ANP32A: variants seen among roughly 807,000 people sequenced by gnomAD.
The protein encoded by ANP32A is acidic nuclear phosphoprotein 32 family member A.
Under a neutral mutation model 33.9 loss-of-function variants are expected in ANP32A, and 1 was observed. The ratio of observed to expected loss-of-function variants is 0.03; its 90% CI spans 0.01 to 0.14. The LOEUF (loss-of-function observed/expected upper bound fraction) is 0.14. Ranked by LOEUF, ANP32A falls within the 10% of genes least tolerant of loss-of-function variation. The pLI, the probability that ANP32A is intolerant of heterozygous loss-of-function variation, is 1.00. For missense variants in ANP32A, 155 were observed against 306.0 expected, an observed-to-expected ratio of 0.51 and a Z score of 3.68; for synonymous variants, 115 against 120.5, an observed-to-expected ratio of 0.95 and a Z score of 0.30.
At chr15:68,819,177 G>A (rs1020496239) in intron 1 of ANP32A, among the ~76,000 whole-genome samples, 13 of 152,272 alleles carry the variant, frequency 8.5e-5, no homozygotes, top group African/African-American at 3.1e-4. Flanking sequence ...GCCAGCGCAC[G>A]GTGCTGCCCA....
At chr15:68,784,313 G>C (rs2140359642) in intron 4 of ANP32A, 84 bp downstream of exon 4, 127 of 1,290,478 alleles carry the variant, frequency 9.8e-5, no homozygotes, top group Middle Eastern at 1.9e-4. Context: ...CCAACACCCA[G>C]CCCACCCACC....
intron 1 of ANP32A, among the ~76,000 whole-genome samples, chr15:68,818,755 C>A (rs1389265094): frequency 6.6e-6 from 1 of 152,052 alleles, no homozygotes; most frequent in Non-Finnish European, 1.5e-5. Context: ...ACCCCGGCCC[C>A]GCGCTTGGCG....
intron 3 of ANP32A, among the ~76,000 whole-genome samples, chr15:68,785,412 C>T (rs1893919501): frequency 6.6e-6 from 1 of 152,254 alleles, no homozygotes; most frequent in South Asian, 2.1e-4. Context: ...CCCACCTCAC[C>T]CACCTTTGAG....
chr15:68,787,975 G>T (rs976752791), intron 1 of ANP32A, 56 bp from the exon 2 acceptor site: 1 of 1,605,264 alleles, frequency 6.2e-7, no homozygotes, highest in Non-Finnish European at 8.5e-7. Context: ...GAAGCAGGGG[G>T]AGGGTGTTAG....
At chr15:68,797,936 T>C (rs911867924) in intron 1 of ANP32A, among the ~76,000 whole-genome samples, 1 of 145,678 alleles carries the variant, frequency 6.9e-6, no homozygotes, top group African/African-American at 2.5e-5. Context: ...AGGGGAGGGG[T>C]GGGGTGTGGG....
chr15:68,811,855 G>A (rs1894316750), intron 1 of ANP32A, among the ~76,000 whole-genome samples: 1 of 151,804 alleles, frequency 6.6e-6, no homozygotes, highest in East Asian at 1.9e-4. Context: ...TCCTGCCTCA[G>A]CCTCCAGAGT....
At chr15:68,785,436 A>C (rs1893919674) in intron 3 of ANP32A, among the ~76,000 whole-genome samples, 1 of 152,140 alleles carries the variant, frequency 6.6e-6, no homozygotes, top group Admixed American at 6.5e-5. Context: ...CCAGGTACAA[A>C]AAAATCCCAT....
At chr15:68,783,843 C>T (rs1005100929) in intron 4 of ANP32A, among the ~76,000 whole-genome samples, 3 of 152,124 alleles carry the variant, frequency 2.0e-5, no homozygotes, top group East Asian at 1.9e-4. Context: ...AGCCTGTGCC[C>T]CTAGGTGTGG....
intron 3 of ANP32A, 107 bp from the exon 4 acceptor site, chr15:68,784,702 T>G: frequency 3.9e-6 from 5 of 1,275,968 alleles, no homozygotes; most frequent in Non-Finnish European, 5.5e-6. Flanking sequence ...GCGCAGACCA[T>G]GACTTCCAGG....
At chr15:68,815,855 T>C (rs1894373424) in intron 1 of ANP32A, among the ~76,000 whole-genome samples, 1 of 152,202 alleles carries the variant, frequency 6.6e-6, no homozygotes, top group African/African-American at 2.4e-5. Context: ...AAAGAGTTGC[T>C]GGGATGATTA....
Position 68,787,937 on chromosome 15 carries a change from C to T in ANP32A, c.55-18G>A, listed in dbSNP as rs772536220. On this transcript the variant is annotated intron_variant, in intron 1 of 6. Transcript: ENST00000465139. ...TCTTTCACCTGAAAGAAGGCCCGAC[C>T]GTGTGAGCGGGGCTGAGGAATGGGG... 1.4e-5 allele frequency: 22 copies of T among 1,613,812 alleles called. No individual in the cohort carries two copies. Among genetic ancestry groups the T allele is most frequent in the East Asian group, 4.5e-5 (2 of 44,894 alleles).
rs117659899 is a variant in ANP32A at position 68,801,262 on chromosome 15, A to T, written c.55-13343T>A. Among the ~76,000 whole-genome samples the T allele has an allele frequency of 6.2e-4, 94 of 151,878 alleles. 2 individuals carry two copies. The East Asian group carries it at 0.014, about 23-fold the overall frequency. On this transcript the variant is annotated intron_variant, in intron 1 of 6. Transcript: ENST00000465139. The stretch of plus-strand genomic sequence containing the variant: ...CAAAGGAAAAAAGTGAAGGAGAAGA[A>T]GCTTTAATCAGGATTGTGCTTGCCC...
intron 1 of ANP32A, among the ~76,000 whole-genome samples, chr15:68,818,596 C>T (rs1460174711): frequency 4.6e-5 from 7 of 151,344 alleles, no homozygotes; most frequent in African/African-American, 1.5e-4. Flanking sequence ...GCTCCCAGTA[C>T]GGCGCGGTGC....
chr15:68,815,459 T>C (rs1894368211), intron 1 of ANP32A, among the ~76,000 whole-genome samples: 1 of 152,262 alleles, frequency 6.6e-6, no homozygotes, highest in Admixed American at 6.5e-5. Flanking sequence ...TTTCTTATTT[T>C]TTGGGAGAAT....
chr15:68,789,550 G>A (rs1893974681), intron 1 of ANP32A: 1 of 152,480 alleles, frequency 6.6e-6, no homozygotes, highest in East Asian at 1.9e-4. Context: ...AGATATGGGG[G>A]AAAGGAGGTG....
At chr15:68,805,366 C>G (rs551122308) in intron 1 of ANP32A, among the ~76,000 whole-genome samples, 1 of 152,306 alleles carries the variant, frequency 6.6e-6, no homozygotes, top group African/African-American at 2.4e-5. Context: ...GCTGATCAAC[C>G]GTCACAAATG....
chr15:68,807,426 A>AGGG (rs1256908259), intron 1 of ANP32A, among the ~76,000 whole-genome samples: 1 of 32,934 alleles, frequency 3.0e-5, no homozygotes, highest in Non-Finnish European at 2.1e-4. Context: ...TCCACAGAAA[A>AGGG]CGGGGGGGGG....
intron 1 of ANP32A, among the ~76,000 whole-genome samples, chr15:68,788,566 A>G (rs1270514521): frequency 6.6e-6 from 1 of 152,264 alleles, no homozygotes; most frequent in Non-Finnish European, 1.5e-5. Context: ...GACAGGGGCC[A>G]CTAGTCACAT....
intron 1 of ANP32A, among the ~76,000 whole-genome samples, chr15:68,803,471 A>C (rs1401090097): frequency 6.6e-6 from 1 of 152,212 alleles, no homozygotes; most frequent in Non-Finnish European, 1.5e-5. Context: ...GCAGCACCTA[A>C]GCCCCTAATT....
Sources: gnomAD v4.1 joint callset for allele counts (sites outside exome capture counted in the v4.1 genomes callset) on GRCh38, gnomAD v4.1.1 for gene constraint, MANE v1.5 for transcripts, NCBI Gene and HGNC (gene_info 2026-07-23, HGNC 2026-07-21) for gene names.